The following PRLR variants were observed in gnomAD, a reference collection of about 807,000 sequenced individuals.
PRLR encodes prolactin receptor.
A neutral mutation model predicts 40.2 loss-of-function variants in PRLR; 13 were observed. The observed-to-expected ratio is 0.32, with a 90% CI of 0.21 to 0.51. The LOEUF (loss-of-function observed/expected upper bound fraction) is 0.51, where lower values mean the gene tolerates loss of function less well. PRLR is among the 20% of genes least tolerant of loss of function. PRLR has a pLI of 0.97. For synonymous variants in PRLR, 269 were observed against 278.7 expected (o/e 0.97, Z 0.35); for missense variants, 656 against 747.3 (o/e 0.88, Z 1.42).
chr5:35,200,996 T>C (rs1362090921), intron 1 of PRLR, among the ~76,000 whole-genome samples: 1 of 152,204 alleles, frequency 6.6e-6, no homozygotes, highest in Non-Finnish European at 1.5e-5. Flanking sequence ...TTTAGTTGTA[T>C]GGAACTAGAA....
At chr5:35,164,392 A>G (rs2111917697) in intron 1 of PRLR, among the ~76,000 whole-genome samples, 1 of 152,324 alleles carries the variant, frequency 6.6e-6, no homozygotes, top group South Asian at 2.1e-4. Context: ...GGATCTCTGA[A>G]TATGAACCAT....
intron 2 of PRLR, among the ~76,000 whole-genome samples, chr5:35,109,263 C>A (rs1039506033): frequency 2.0e-5 from 3 of 152,088 alleles, no homozygotes; most frequent in Admixed American, 6.5e-5. Context: ...CCATAAAAAC[C>A]CTAGAAGAAA....
chr5:35,202,098 T>C (rs2111610554), intron 1 of PRLR, among the ~76,000 whole-genome samples: 1 of 152,316 alleles, frequency 6.6e-6, no homozygotes, highest in Non-Finnish European at 1.5e-5. Flanking sequence ...GTTACTCAAG[T>C]TCTTTATACT....
intron 2 of PRLR, among the ~76,000 whole-genome samples, chr5:35,117,084 G>C (rs1773068814): frequency 6.6e-6 from 1 of 152,142 alleles, no homozygotes; most frequent in Non-Finnish European, 1.5e-5. Flanking sequence ...CAGGAATGCT[G>C]CTGAGCATCA....
chr5:35,058,314 A>G lies in PRLR; in HGVS notation c.*6775T>C, dbSNP rs1294863169. ...ACTTCACTTCAATATGGCTTTACAG[A>G]AGACACAGTCACCCAACAGGCTGGT... is the stretch of plus-strand genomic sequence containing the variant. On this transcript the variant is annotated 3_prime_UTR_variant, in exon 10 of 10. Coordinates refer to ENST00000618457, the MANE Select transcript of PRLR (RefSeq NM_000949.7). 6.6e-6 allele frequency: 1 copy of G among 152,144 alleles called. No individual in the cohort carries two copies. The highest frequency in any genetic ancestry group is 1.5e-5 in the Non-Finnish European group (1 of 68,024). The allele number at this position is 152,144 out of a possible 1,614,324, so 9.4% of individuals were successfully genotyped here. A position where few individuals can be genotyped will look rare whatever the true frequency, so the allele number is the denominator to read the frequency against.
intron 1 of PRLR, among the ~76,000 whole-genome samples, chr5:35,138,792 T>C (rs1579721125): frequency 6.6e-6 from 1 of 152,296 alleles, no homozygotes; most frequent in Middle Eastern, 3.4e-3. Context: ...TTACTTTATT[T>C]CAATGCATCT....
intron 2 of PRLR, among the ~76,000 whole-genome samples, chr5:35,094,344 T>C (rs1365444090): frequency 1.3e-5 from 2 of 152,244 alleles, no homozygotes; most frequent in African/African-American, 2.4e-5. Flanking sequence ...TCATCCTTGT[T>C]GTTACATGTA....
chr5:35,230,132 C>G (rs931270833), intron 1 of PRLR, 136 bp downstream of exon 1: 4 of 152,180 alleles, frequency 2.6e-5, no homozygotes, highest in African/African-American at 9.7e-5. Context: ...CTGGCGTTCT[C>G]TCCAGGAGCC....
chr5:35,170,080 T>C (rs1181788428), intron 1 of PRLR, among the ~76,000 whole-genome samples: 1 of 152,204 alleles, frequency 6.6e-6, no homozygotes, highest in Non-Finnish European at 1.5e-5. Flanking sequence ...AATGCAAATT[T>C]TGGTTTAGTC....
chr5:35,150,769 A>T lies in PRLR; in HGVS notation c.-105-32647T>A, dbSNP rs561481360. On this transcript the variant is annotated intron_variant, in intron 1 of 9. Transcript: ENST00000618457. ...GGTAAGAATAGGAAAAAAAAATCTT[A>T]TTTCACATGCCTTAGAGGAGACAGG... 2.6e-5 allele frequency among the ~76,000 whole-genome samples: 4 copies of T among 152,334 alleles called. No homozygotes were observed. The South Asian group carries it at 6.2e-4, about 24-fold the overall frequency.
intron 1 of PRLR, among the ~76,000 whole-genome samples, chr5:35,124,123 T>C (rs1050547938): frequency 6.6e-6 from 1 of 152,184 alleles, no homozygotes; most frequent in Non-Finnish European, 1.5e-5. Context: ...CAAAAAAATG[T>C]ATCCAAAGGC....
chr5:35,189,745 C>T (rs1184997818), intron 1 of PRLR, among the ~76,000 whole-genome samples: 2 of 151,990 alleles, frequency 1.3e-5, no homozygotes, highest in African/African-American at 4.8e-5. Context: ...GGGTGCAAGC[C>T]CCTGACCTCT....
At position 35,162,921 on chromosome 5, in the gene PRLR, G is replaced by T. The variant is rs143337433; in HGVS notation, c.-105-44799C>A. Among the ~76,000 whole-genome samples, 26 of 152,288 alleles carry T rather than the reference G, an allele frequency of 1.7e-4. No individual in the cohort carries two copies. The East Asian group carries it at 4.4e-3, about 26-fold the overall frequency. ...TCCAATGGACTCCTTGAGTTAATTTGCCTCTATTTTCTGCCAGTGGATCTT... is the reference window on the plus strand; with the variant it reads ...TCCAATGGACTCCTTGAGTTAATTTTCCTCTATTTTCTGCCAGTGGATCTT... On this transcript the variant is annotated intron_variant, in intron 1 of 9. Coordinates refer to ENST00000618457, the MANE Select transcript of PRLR (RefSeq NM_000949.7).
intron 1 of PRLR, among the ~76,000 whole-genome samples, chr5:35,170,119 T>A (rs897780354): frequency 1.3e-5 from 2 of 152,244 alleles, no homozygotes; most frequent in Non-Finnish European, 2.9e-5. Flanking sequence ...CACATTATTG[T>A]CATCCCACAA....
At chr5:35,091,233 T>G (rs989887128) in intron 2 of PRLR, among the ~76,000 whole-genome samples, 1 of 152,086 alleles carries the variant, frequency 6.6e-6, no homozygotes, top group Admixed American at 6.5e-5. Flanking sequence ...ACAAGATTCC[T>G]TCCAAGCAAA....
chr5:35,157,719 G>C (rs992806661), intron 1 of PRLR, among the ~76,000 whole-genome samples: 7 of 152,092 alleles, frequency 4.6e-5, no homozygotes, highest in Admixed American at 1.3e-4. Context: ...AAAAGGCAAG[G>C]GAAAAAACAA....
At chr5:35,135,050 C>A (rs901514076) in intron 1 of PRLR, among the ~76,000 whole-genome samples, 10 of 151,282 alleles carry the variant, frequency 6.6e-5, no homozygotes, top group African/African-American at 2.4e-4. Context: ...TTCAAGGCTA[C>A]ATAAATAAAA....
chr5:35,102,480 C>T (rs912389748), intron 2 of PRLR, among the ~76,000 whole-genome samples: 12 of 149,222 alleles, frequency 8.0e-5, no homozygotes, highest in South Asian at 4.3e-4. Flanking sequence ...CGTCCCGTCC[C>T]GTCCCGTCTC....
intron 1 of PRLR, among the ~76,000 whole-genome samples, chr5:35,134,609 C>T (rs1054750534): frequency 1.3e-5 from 2 of 152,164 alleles, no homozygotes; most frequent in African/African-American, 4.8e-5. Flanking sequence ...CGGCTGGTTG[C>T]CTTCTGGCAT....
Sources: allele counts gnomAD v4.1 joint callset (sites outside exome capture counted in the v4.1 genomes callset), GRCh38; gene constraint gnomAD v4.1.1; transcripts MANE v1.5; gene names NCBI Gene and HGNC (gene_info 2026-07-23, HGNC 2026-07-21).